The following VEPH1 variants were observed in gnomAD, a reference collection of about 807,000 sequenced individuals.
VEPH1 encodes the protein ventricular zone expressed PH domain containing 1.
Under a neutral mutation model 85.2 loss-of-function variants are expected in VEPH1, and 80 were observed. That is an observed-to-expected ratio of 0.94 (90% CI 0.78 to 1.13). VEPH1 has a LOEUF of 1.13. Among genes scored for constraint, VEPH1 ranks in the 50% most tolerant of loss-of-function variants. The pLI is 0.00. For synonymous variants in VEPH1, 297 were observed against 348.0 expected (o/e 0.85, Z 1.63); for missense variants, 955 against 980.5 (o/e 0.97, Z 0.35).
intron 12 of VEPH1, among the ~76,000 whole-genome samples, chr3:157,271,086 A>G (rs758522749): frequency 2.0e-5 from 3 of 152,190 alleles, no homozygotes; most frequent in Non-Finnish European, 4.4e-5. Flanking sequence ...CTCAGAAACA[A>G]GTAAAGCAGG....
chr3:157,329,411 C>T (rs1317344431), intron 9 of VEPH1, among the ~76,000 whole-genome samples: 1 of 152,214 alleles, frequency 6.6e-6, no homozygotes, highest in Non-Finnish European at 1.5e-5. Flanking sequence ...GAAACCAGAA[C>T]ATCTACAGTA....
intron 2 of VEPH1, among the ~76,000 whole-genome samples, chr3:157,475,027 G>C (rs1737327753): frequency 6.6e-6 from 1 of 151,388 alleles, no homozygotes; most frequent in Non-Finnish European, 1.5e-5. Context: ...CTGCCACCCA[G>C]GTTGCAGTGC....
chr3:157,290,102 A>G (rs1277211256), intron 11 of VEPH1, among the ~76,000 whole-genome samples: 2 of 152,008 alleles, frequency 1.3e-5, no homozygotes, highest in Admixed American at 6.6e-5. Context: ...TAGCAGATGC[A>G]TAGGGAGACC....
At chr3:157,392,013 T>C (rs1729904375) in intron 6 of VEPH1, among the ~76,000 whole-genome samples, 2 of 152,186 alleles carry the variant, frequency 1.3e-5, no homozygotes, top group Non-Finnish European at 2.9e-5. Flanking sequence ...AAATAAAATA[T>C]TGTCCAGACA....
At position 157,261,334 on chromosome 3, in the gene VEPH1, T is replaced by C. The variant is rs745735702; in HGVS notation, c.2302A>G (p.Lys768Glu). ...DPDDCPIELS[K>E]VQSVKAVAKK... ...GCCACAGCCTTCACACTCTGTACTT[T>C]GCTGAGTTCTATTGGGCAGTCGTCA... The change falls in exon 14 of 14, where the codon AAA (lysine) becomes GAA (glutamate). Residue 768 changes from lysine to glutamate, a missense_variant. By Grantham distance (56) the Lys-to-Glu change is moderately conservative (BLOSUM62 1). Transcript: ENST00000362010. The C allele has an allele frequency of 4.3e-6, 7 of 1,613,534 alleles. No individual in the cohort carries two copies. The East Asian group carries it at 1.1e-4, about 26-fold the overall frequency.
intron 9 of VEPH1, among the ~76,000 whole-genome samples, chr3:157,337,430 C>T (rs1723069284): frequency 1.3e-5 from 2 of 152,044 alleles, no homozygotes; most frequent in African/African-American, 2.4e-5. Flanking sequence ...TAAACTATTG[C>T]ACATTTTTCA....
chr3:157,342,292 A>G (rs1377736227), intron 9 of VEPH1, among the ~76,000 whole-genome samples: 3 of 151,988 alleles, frequency 2.0e-5, no homozygotes, highest in African/African-American at 7.3e-5. Flanking sequence ...TCTCATGTGC[A>G]GAGACACACA....
intron 3 of VEPH1, among the ~76,000 whole-genome samples, chr3:157,462,896 C>A (rs1015918165): frequency 4.9e-4 from 75 of 152,126 alleles, no homozygotes; most frequent in Admixed American, 3.3e-4. Context: ...GACACGTTAC[C>A]AAATTATAAT....
intron 2 of VEPH1, among the ~76,000 whole-genome samples, chr3:157,494,873 C>G: frequency 6.6e-6 from 1 of 152,106 alleles, no homozygotes; most frequent in East Asian, 1.9e-4. Context: ...TGCAGGTCTG[C>G]TTTTCCCTGG....
intron 2 of VEPH1, among the ~76,000 whole-genome samples, chr3:157,486,122 T>G (rs1738615959): frequency 6.6e-6 from 1 of 152,182 alleles, no homozygotes; most frequent in Non-Finnish European, 1.5e-5. Flanking sequence ...AATCAACATA[T>G]TTAATATCCA....
intron 1 of VEPH1, among the ~76,000 whole-genome samples, chr3:157,501,948 T>C (rs915700077): frequency 1.3e-5 from 2 of 152,224 alleles, no homozygotes; most frequent in African/African-American, 4.8e-5. Context: ...ATTTTTCCCT[T>C]GAAAGAAAGG....
rs1560000948 is a variant in VEPH1, at chr3:157,369,179, T to TAAAAAAAAAAAAAAA, written c.1128-4668_1128-4667insTTTTTTTTTTTTTTT. ...AACAACAACAACAACAAAAACCAAA[T>TAAAAAAAAAAAAAAA]GAAAAAAAAAAAAAAAAAAAAAAAA... is the stretch of plus-strand genomic sequence containing the variant. On this transcript the variant is annotated intron_variant, in intron 7 of 13. Coordinates refer to ENST00000362010, the MANE Select transcript of VEPH1 (RefSeq NM_001167912.2). Among the ~76,000 whole-genome samples the TAAAAAAAAAAAAAAA allele has an allele frequency of 4.0e-4, 6 of 15,054 alleles. 1 individual carries two copies. The highest frequency in any genetic ancestry group is 7.8e-4 in the African/African-American group (3 of 3,870). The allele number at this position is 15,054 out of a possible 152,430, so 9.9% of individuals were successfully genotyped here.
intron 9 of VEPH1, among the ~76,000 whole-genome samples, chr3:157,340,400 C>A (rs1161485706): frequency 3.3e-5 from 5 of 152,210 alleles, no homozygotes; most frequent in African/African-American, 9.6e-5. Context: ...CAGAGGGTCC[C>A]ATGCCCATGG....
At chr3:157,292,206 G>C (rs1717560162) in intron 11 of VEPH1, among the ~76,000 whole-genome samples, 1 of 152,124 alleles carries the variant, frequency 6.6e-6, no homozygotes, top group African/African-American at 2.4e-5. Context: ...GCTGTGATTA[G>C]AAGTCCTGAG....
chr3:157,423,457 G>A (rs551295220), intron 5 of VEPH1, among the ~76,000 whole-genome samples: 3 of 152,292 alleles, frequency 2.0e-5, no homozygotes, highest in African/African-American at 7.2e-5. Context: ...TGGGAGTGAG[G>A]CTCAGGCATT....
At chr3:157,426,182 A>C (rs2109104071) in intron 5 of VEPH1, among the ~76,000 whole-genome samples, 1 of 152,296 alleles carries the variant, frequency 6.6e-6, no homozygotes, top group South Asian at 2.1e-4. Context: ...GGACTAATAC[A>C]TTGGTACCCT....
intron 7 of VEPH1, among the ~76,000 whole-genome samples, chr3:157,369,237 C>A (rs1727213557): frequency 7.6e-6 from 1 of 130,978 alleles, no homozygotes; most frequent in Non-Finnish European, 1.6e-5. Flanking sequence ...CCATGAGAGA[C>A]TGGCCACTTC....
chr3:157,428,076 A>G (rs1281390014), intron 5 of VEPH1, among the ~76,000 whole-genome samples: 1 of 152,206 alleles, frequency 6.6e-6, no homozygotes, highest in African/African-American at 2.4e-5. Flanking sequence ...TCAGACTTGA[A>G]TTGAAACTAT....
At chr3:157,489,059 A>T (rs1738963227) in intron 2 of VEPH1, 2 of 452,342 alleles carry the variant, frequency 4.4e-6, no homozygotes, top group Admixed American at 4.8e-5. Context: ...ACTTACCACC[A>T]CCACTGCTCC....
Sources: allele counts gnomAD v4.1 joint callset (sites outside exome capture counted in the v4.1 genomes callset), GRCh38; gene constraint gnomAD v4.1.1; transcripts MANE v1.5; gene names NCBI Gene and HGNC (gene_info 2026-07-23, HGNC 2026-07-21).